The following EDRF1 variants were observed in gnomAD, a reference collection of about 807,000 sequenced individuals.
EDRF1 encodes the protein erythroid differentiation regulatory factor 1.
In EDRF1, 69 loss-of-function variants were observed where a neutral mutation model predicts 148.7. That is an observed-to-expected ratio of 0.46 (90% CI 0.38 to 0.57). The LOEUF (loss-of-function observed/expected upper bound fraction) is 0.57. Among genes scored for constraint, EDRF1 ranks in the 20% least tolerant of loss-of-function variants. The pLI, the probability that EDRF1 is intolerant of heterozygous loss-of-function variation, is 0.00. For missense variants in EDRF1, 1,118 were observed against 1,478.7 expected (o/e 0.76, Z 4.00); for synonymous variants, 515 against 532.8 (o/e 0.97, Z 0.46).
At chr10:125,762,606 C>T (rs1850242820) in intron 24 of EDRF1, among the ~76,000 whole-genome samples, 2 of 152,138 alleles carry the variant, frequency 1.3e-5, no homozygotes, top group Admixed American at 6.5e-5. Context: ...TCAGGACAAA[C>T]TGTAAACTGA....
chr10:125,749,124 G>A, intron 21 of EDRF1: 1 of 425,652 alleles, frequency 2.3e-6, no homozygotes. Context: ...GCGGGTGCCT[G>A]TAATCCCAGC....
At chr10:125,738,216 A>G (rs963650747) in intron 14 of EDRF1, 79 bp from the exon 15 acceptor site, 46 of 1,544,902 alleles carry the variant, frequency 3.0e-5, no homozygotes, top group Non-Finnish European at 3.4e-5. Flanking sequence ...CGTATTCAGT[A>G]GTCCAGATAC....
chr10:125,729,271 C>A, intron 7 of EDRF1, 87 bp from the exon 8 acceptor site: 2 of 1,548,922 alleles, frequency 1.3e-6, no homozygotes, highest in Non-Finnish European at 1.8e-6. Flanking sequence ...TCTTCTTTGT[C>A]TCTTCCTTTT....
chr10:125,730,473 G>C, intron 9 of EDRF1, 74 bp downstream of exon 9: 1 of 1,208,614 alleles, frequency 8.3e-7, no homozygotes, highest in South Asian at 1.2e-5. Flanking sequence ...AAGTCTTTAC[G>C]GCCCTGAAGT....
chr10:125,746,166 C>T (rs183591525), intron 19 of EDRF1, among the ~76,000 whole-genome samples: 64 of 152,168 alleles, frequency 4.2e-4, no homozygotes, highest in Admixed American at 9.8e-4. Flanking sequence ...GTTTGTACAA[C>T]GAGCATGAAT....
At position 125,743,166 on chromosome 10, in the gene EDRF1, G is replaced by C. The variant is rs762518137; in HGVS notation, c.2480G>C (p.Ser827Thr). The change falls in exon 18 of 25, where the codon AGC becomes ACC. Residue 827 changes from serine (S) to threonine (T), a missense_variant. By Grantham distance (58) the Ser-to-Thr change is moderately conservative (BLOSUM62 1). Transcript: ENST00000356792. ...ATCTTGCAGTTTAGTGACTTGAAAAGCCAAAATCCAGAACACTATGTACAA... is the reference window on the plus strand; with the variant it reads ...ATCTTGCAGTTTAGTGACTTGAAAACCCAAAATCCAGAACACTATGTACAA... ...NEILQFSDLK[S>T]QNPEHYVQVL... 23 of 1,613,796 alleles carry C rather than the reference G, an allele frequency of 1.4e-5. No homozygotes were observed. The highest frequency in any genetic ancestry group is 1.9e-5 in the Non-Finnish European group (23 of 1,179,936).
chr10:125,735,747 G>A lies in EDRF1; in HGVS notation c.1601G>A (p.Ser534Asn), dbSNP rs1848695450. Residue 534 changes from serine (S) to asparagine (N), a missense_variant, in exon 13 of 25, where the codon AGT (serine) becomes AAT (asparagine). By Grantham distance (46) the Ser-to-Asn change is conservative (BLOSUM62 1). Around this residue, in one of 3 missense-constraint regions of EDRF1, gnomAD observed 954 missense variants for 1,241.4 expected, o/e 0.77. Transcript: ENST00000356792. ...CCTTTAAATGAGAATTCTGATGAAAGTTATAGTGAAGAGGAGGAAGAGATG... is the reference window on the plus strand; with the variant it reads ...CCTTTAAATGAGAATTCTGATGAAAATTATAGTGAAGAGGAGGAAGAGATG... ...ESPLNENSDESYSEEEEEMPD... is the reference protein window; with the variant it reads ...ESPLNENSDENYSEEEEEMPD... The A allele has an allele frequency of 6.2e-7, 1 of 1,613,704 alleles. No homozygotes were observed.
intron 24 of EDRF1, among the ~76,000 whole-genome samples, chr10:125,758,859 G>A (rs558121646): frequency 6.6e-6 from 1 of 152,242 alleles, no homozygotes; most frequent in South Asian, 2.1e-4. Context: ...TCGTGTCCCT[G>A]AGTCTCAGGA....
Position 125,764,077 on chromosome 10 carries a change from C to G in EDRF1, c.*605C>G, listed in dbSNP as rs1487684484. On this transcript the variant is annotated 3_prime_UTR_variant, in exon 25 of 25. Coordinates refer to ENST00000356792, the MANE Select transcript of EDRF1 (RefSeq NM_001202438.2). ...CAGGTACTACCCCTTTTTTTCATTTCAAACTTGAAACTGTGAATAAGGTAA... is the reference window on the plus strand; with the variant it reads ...CAGGTACTACCCCTTTTTTTCATTTGAAACTTGAAACTGTGAATAAGGTAA... 5 of 152,276 alleles carry G rather than the reference C, an allele frequency of 3.3e-5. No homozygotes were observed. The highest frequency in any genetic ancestry group is 1.2e-4 in the African/African-American group (5 of 41,362). The allele number at this position is 152,276 out of a possible 1,614,324, so 9.4% of individuals were successfully genotyped here.
At chr10:125,761,029 A>G (rs1850167249) in intron 24 of EDRF1, among the ~76,000 whole-genome samples, 2 of 152,206 alleles carry the variant, frequency 1.3e-5, no homozygotes, top group African/African-American at 2.4e-5. Context: ...CCTGGAACCA[A>G]TCCTCCACAG....
chr10:125,763,343 C>G lies in EDRF1; in HGVS notation c.3588C>G (p.His1196Gln). The G allele has an allele frequency of 6.2e-7, 1 of 1,613,600 alleles. No individual in the cohort carries two copies. Among genetic ancestry groups the G allele is most frequent in the Non-Finnish European group, 8.5e-7 (1 of 1,179,976 alleles). ...EDDTILKTNK[H>Q]IYSQLLRATA... ...ACACAATTCTCAAAACCAACAAGCA[C>G]ATTTACTCCCAGCTTTTGAGAGCAA... The change falls in exon 25 of 25, where the codon CAC (histidine) becomes CAG (glutamine). Residue 1196 changes from histidine to glutamine, a missense_variant. By Grantham distance (24) the His-to-Gln change is conservative (BLOSUM62 0). This residue lies in a region of EDRF1 where 954 missense variants were observed against 1,241.4 expected (regional missense o/e 0.77). Coordinates refer to ENST00000356792, the MANE Select transcript of EDRF1 (RefSeq NM_001202438.2). This position sits in a 1 kb window ranked among gnomAD's most constrained non-coding sequence, Gnocchi z 4.3.
chr10:125,747,137 A>C (rs1849397457), intron 19 of EDRF1: 1 of 181,232 alleles, frequency 5.5e-6, no homozygotes, highest in Non-Finnish European at 1.2e-5. Context: ...TTGGGGTAAC[A>C]AGGTAGGAGG....
chr10:125,724,000 T>C lies in EDRF1; in HGVS notation c.510+64T>C, dbSNP rs892145859. 19 of 1,594,356 alleles carry C rather than the reference T, an allele frequency of 1.2e-5. No individual in the cohort carries two copies. In the African/African-American group the frequency reaches 2.1e-4, roughly 18 times the overall value. ...GCTTAAGAGCACTAGAAATACGATT[T>C]TGTTTCAGAGAATGGCCAAAGTGGA... is the stretch of plus-strand genomic sequence containing the variant. On this transcript the variant is annotated intron_variant, in intron 4 of 24. Transcript: ENST00000356792.
intron 24 of EDRF1, among the ~76,000 whole-genome samples, chr10:125,758,993 C>G (rs1850059424): frequency 6.6e-6 from 1 of 152,088 alleles, no homozygotes; most frequent in South Asian, 2.1e-4. Flanking sequence ...ATTGTCTTCC[C>G]CCACCCCCAT....
At chr10:125,741,898 G>A (rs1849038814) in intron 17 of EDRF1, among the ~76,000 whole-genome samples, 1 of 151,906 alleles carries the variant, frequency 6.6e-6, no homozygotes, top group South Asian at 2.1e-4. Flanking sequence ...TCACCACGTT[G>A]CCCCAGACTG....
intron 3 of EDRF1, among the ~76,000 whole-genome samples, chr10:125,723,491 T>A (rs1196526139): frequency 6.6e-6 from 1 of 152,218 alleles, no homozygotes; most frequent in Non-Finnish European, 1.5e-5. Context: ...GGATCCTTAG[T>A]GGCTTTGATC....
At chr10:125,722,063 G>A (rs1333098477) in intron 2 of EDRF1, among the ~76,000 whole-genome samples, 1 of 151,198 alleles carries the variant, frequency 6.6e-6, no homozygotes, top group Non-Finnish European at 1.5e-5. Context: ...TACTTTATGA[G>A]CTGGTATTTT....
intron 12 of EDRF1, among the ~76,000 whole-genome samples, chr10:125,734,436 A>T (rs1475503604): frequency 1.3e-5 from 2 of 152,178 alleles, no homozygotes; most frequent in Non-Finnish European, 2.9e-5. Flanking sequence ...AATATTACAT[A>T]TATTGGATTA....
chr10:125,757,162 A>C, intron 24 of EDRF1: 1 of 230,418 alleles, frequency 4.3e-6, no homozygotes. Context: ...TCTCTAGACC[A>C]TTCACATTTA....
Sources: gnomAD v4.1 joint callset for allele counts (sites outside exome capture counted in the v4.1 genomes callset) on GRCh38, gnomAD v4.1.1 for gene constraint, gnomAD v4.1.1 regional missense constraint, Gnocchi (gnomAD v3.1) non-coding constraint, MANE v1.5 for transcripts, NCBI Gene and HGNC (gene_info 2026-07-23, HGNC 2026-07-21) for gene names.